Variants in STK39 observed in about 807,000 individuals in gnomAD.
The protein encoded by STK39 is STE20/SPS1-related proline-alanine-rich protein kinase.
In STK39, 20 loss-of-function variants were observed where a neutral mutation model predicts 77.8. The ratio of observed to expected loss-of-function variants is 0.26; its 90% CI spans 0.18 to 0.37. The LOEUF (loss-of-function observed/expected upper bound fraction) is 0.37. STK39 is among the 10% of genes least tolerant of loss of function. STK39 has a pLI of 1.00. For missense variants in STK39, 479 were observed against 656.5 expected (o/e 0.73, Z 2.95); for synonymous variants, 246 against 234.1 (o/e 1.05, Z -0.47).
chr2:168,039,027 C>T (rs571714340), intron 14 of STK39, among the ~76,000 whole-genome samples: 1 of 151,916 alleles, frequency 6.6e-6, no homozygotes, highest in Admixed American at 6.6e-5. Flanking sequence ...AGCCATTGTA[C>T]AACTAGAAAT....
At position 168,226,102 on chromosome 2, in the gene STK39, TAGGTAAGAAAGCCAGGTAAAAACAGC is replaced by T. The variant is rs534608455; in HGVS notation, c.208+21100_208+21125del. ...TGACAGAGAAGACATGCACAGATAG[TAGGTAAGAAAGCCAGGTAAAAACAGC>T]CAGAGAAGCAGGTGGGCATGAGCAA... On this transcript the variant is annotated intron_variant, in intron 1 of 17. Coordinates refer to ENST00000355999, the MANE Select transcript of STK39 (RefSeq NM_013233.3). Among the ~76,000 whole-genome samples the T allele has an allele frequency of 7.2e-5, 11 of 152,122 alleles. No homozygotes were observed. The South Asian group carries it at 2.3e-3, about 32-fold the overall frequency.
chr2:167,982,556 T>G (rs938701153), intron 16 of STK39, among the ~76,000 whole-genome samples: 1 of 149,720 alleles, frequency 6.7e-6, no homozygotes, highest in East Asian at 1.9e-4. Context: ...TATTCTACAC[T>G]CTCAGAAATG....
chr2:168,139,405 A>ATTTATATAT (rs57900746), intron 7 of STK39, among the ~76,000 whole-genome samples: 32 of 139,484 alleles, frequency 2.3e-4, no homozygotes, highest in African/African-American at 8.4e-4. Flanking sequence ...TGTTAAAAAA[A>ATTTATATAT]ATTTATATAT....
intron 12 of STK39, among the ~76,000 whole-genome samples, chr2:168,067,980 G>A (rs1401890892): frequency 6.6e-6 from 1 of 152,184 alleles, no homozygotes; most frequent in Non-Finnish European, 1.5e-5. Flanking sequence ...AGGCGCAGGA[G>A]GAGCAAAGGC....
At chr2:168,231,332 T>A (rs1477515595) in intron 1 of STK39, among the ~76,000 whole-genome samples, 1 of 152,072 alleles carries the variant, frequency 6.6e-6, no homozygotes, top group Admixed American at 6.6e-5. Flanking sequence ...TGCTGTTGTT[T>A]TTTACCAGAA....
chr2:167,955,891 A>G (rs769531650), intron 17 of STK39, among the ~76,000 whole-genome samples: 4 of 152,240 alleles, frequency 2.6e-5, no homozygotes, highest in Non-Finnish European at 5.9e-5. Flanking sequence ...CAAATTTTTC[A>G]AAAACTAAAT....
In STK39 at chr2:168,247,379, C is replaced by T; in HGVS notation, c.57G>A (p.Pro19=). ...VHVQLPQQAA[P]VTAAAAAAPA... is the part of the protein sequence containing the mutation. The stretch of plus-strand genomic sequence containing the variant: ...GGGCCGCCGCCGCCGCCGCTGTCAC[C>T]GGGGCCGCCTGCTGGGGAAGCTGGA... The change falls in exon 1 of 18, where the codon CCG becomes CCA. Residue 19 remains proline (P), a synonymous_variant. Coordinates refer to ENST00000355999, the MANE Select transcript of STK39 (RefSeq NM_013233.3). 5 of 1,033,038 alleles carry T rather than the reference C, an allele frequency of 4.8e-6. No homozygotes were observed. The highest frequency in any genetic ancestry group is 3.9e-5 in the South Asian group (1 of 25,868). 64.0% of individuals were successfully genotyped at this position (1,033,038 alleles called of 1,614,324 possible).
intron 1 of STK39, among the ~76,000 whole-genome samples, chr2:168,201,197 T>C (rs1689602392): frequency 6.6e-6 from 1 of 152,250 alleles, no homozygotes; most frequent in South Asian, 2.1e-4. Flanking sequence ...CACACTTTCA[T>C]TTATTAAGTA....
intron 16 of STK39, among the ~76,000 whole-genome samples, chr2:168,000,344 A>G (rs774020837): frequency 6.6e-6 from 1 of 152,222 alleles, no homozygotes; most frequent in Non-Finnish European, 1.5e-5. Flanking sequence ...CATGAGCACT[A>G]AAGAAAAGAG....
intron 16 of STK39, among the ~76,000 whole-genome samples, chr2:167,971,045 G>A (rs1158557696): frequency 6.6e-6 from 1 of 152,202 alleles, no homozygotes; most frequent in East Asian, 1.9e-4. Context: ...GGTGTCAGAA[G>A]TGGGATCTGA....
At chr2:168,072,259 G>T (rs1574440300) in intron 12 of STK39, among the ~76,000 whole-genome samples, 1 of 152,202 alleles carries the variant, frequency 6.6e-6, no homozygotes, top group East Asian at 1.9e-4. Context: ...AGAAAACTCT[G>T]TTCAAACTGA....
intron 17 of STK39, among the ~76,000 whole-genome samples, chr2:167,956,728 T>TCCCCC (rs1235889078): frequency 7.5e-5 from 4 of 53,568 alleles, no homozygotes; most frequent in Non-Finnish European, 1.4e-4. Flanking sequence ...TCTCTCTCTC[T>TCCCCC]CCCCCCCCGC....
chr2:167,966,967 G>A (rs1692175345), intron 16 of STK39, among the ~76,000 whole-genome samples: 2 of 152,120 alleles, frequency 1.3e-5, no homozygotes, highest in African/African-American at 4.8e-5. Context: ...AAAAAGATGG[G>A]TGTCACTGTT....
chr2:168,214,272 G>C (rs1298422111), intron 1 of STK39, among the ~76,000 whole-genome samples: 4 of 149,412 alleles, frequency 2.7e-5, no homozygotes, highest in Non-Finnish European at 5.9e-5. Flanking sequence ...AAAAACACAA[G>C]GTCCACTAAA....
intron 17 of STK39, among the ~76,000 whole-genome samples, chr2:167,958,487 A>AC (rs1274179168): frequency 2.6e-5 from 4 of 152,172 alleles, no homozygotes; most frequent in Admixed American, 2.6e-4. Context: ...TAGTTCCCCT[A>AC]CCCACTGCAA....
rs79722348 is a variant in STK39, at chr2:168,022,407, C to G, written c.1377-5312G>C. On this transcript the variant is annotated intron_variant, in intron 14 of 17. Transcript: ENST00000355999. ...ACTATTGCAGGAACTTTGAATAAAT[C>G]AGAATGTATTAATAACCAGGGAGAT... Among the ~76,000 whole-genome samples the G allele has an allele frequency of 7.2e-3, 1,099 of 152,262 alleles. 9 individuals carry two copies. Among genetic ancestry groups the G allele is most frequent in the African/African-American group, 0.024 (1,008 of 41,560 alleles).
At chr2:168,172,238 G>C (rs532173842) in intron 2 of STK39, among the ~76,000 whole-genome samples, 2 of 152,278 alleles carry the variant, frequency 1.3e-5, no homozygotes, top group South Asian at 2.1e-4. Context: ...CTAATCTCAA[G>C]TGTCCCAATT....
At chr2:167,976,992 T>A (rs1275777049) in intron 16 of STK39, among the ~76,000 whole-genome samples, 1 of 152,182 alleles carries the variant, frequency 6.6e-6, no homozygotes, top group African/African-American at 2.4e-5. Flanking sequence ...ACTTTAAGAC[T>A]AAAATGTCAA....
At chr2:168,206,909 G>A (rs529335225) in intron 1 of STK39, among the ~76,000 whole-genome samples, 2 of 152,288 alleles carry the variant, frequency 1.3e-5, no homozygotes, top group East Asian at 3.9e-4. Context: ...ACACAGGCAG[G>A]AAGACTAATG....
Sources: gnomAD v4.1 joint callset for allele counts (sites outside exome capture counted in the v4.1 genomes callset) on GRCh38, gnomAD v4.1.1 for gene constraint, MANE v1.5 for transcripts, NCBI Gene and HGNC (gene_info 2026-07-23, HGNC 2026-07-21) for gene names.